SEMA5B: variants seen among roughly 807,000 people sequenced by gnomAD.
The protein encoded by SEMA5B is semaphorin-5B.
A neutral mutation model predicts 135.0 loss-of-function variants in SEMA5B; 66 were observed. The ratio of observed to expected loss-of-function variants is 0.49; its 90% confidence interval spans 0.40 to 0.60. The LOEUF (loss-of-function observed/expected upper bound fraction) is 0.60. Among genes scored for constraint, SEMA5B ranks in the 20% least tolerant of loss-of-function variants. SEMA5B has a pLI of 0.00. For missense variants in SEMA5B, 1,501 were observed against 1,566.3 expected (o/e 0.96, Z 0.70); for synonymous variants, 690 against 639.5 (o/e 1.08, Z -1.19).
In SEMA5B at chr3:123,006,887, C is replaced by T. The variant is rs546388519; in HGVS notation, c.-39+20577G>A. 4.6e-5 allele frequency among the ~76,000 whole-genome samples: 7 copies of T among 152,274 alleles called. No individual in the cohort carries two copies. In the East Asian group the frequency reaches 1.4e-3, roughly 29 times the overall value. ...TTAGATGAAAAGGGCAGCTGCTTTGCACCACAAACAAGCCCTCCCACTACA... is the reference window on the plus strand; with the variant it reads ...TTAGATGAAAAGGGCAGCTGCTTTGTACCACAAACAAGCCCTCCCACTACA... On this transcript the variant is annotated intron_variant, in intron 1 of 22. Coordinates refer to ENST00000357599, the MANE Select transcript of SEMA5B (RefSeq NM_001031702.4).
rs147968317 is a variant in SEMA5B at position 122,935,686 on chromosome 3, C to CTTTTTTTTT, written c.474+3730_474+3738dup. ...CACTTTTTTTTCTTTTTCTTTCTTT[C>CTTTTTTTTT]TTTTTTTTTTTTTTTTTTTTTTTTG... is the stretch of plus-strand genomic sequence containing the variant. On this transcript the variant is annotated intron_variant, in intron 5 of 22. Coordinates refer to ENST00000357599, the MANE Select transcript of SEMA5B (RefSeq NM_001031702.4). Among the ~76,000 whole-genome samples the CTTTTTTTTT allele has an allele frequency of 4.6e-3, 320 of 70,238 alleles. 12 individuals are homozygous for CTTTTTTTTT. The highest frequency in any genetic ancestry group is 9.6e-3 in the African/African-American group (169 of 17,690). 46.1% of individuals were successfully genotyped at this position (70,238 alleles called of 152,430 possible).
chr3:122,922,876 C>A (rs1560299584), intron 10 of SEMA5B, among the ~76,000 whole-genome samples: 1 of 56,172 alleles, frequency 1.8e-5, no homozygotes, highest in Non-Finnish European at 5.5e-5. Context: ...AAGCTGGAAG[C>A]CTTCTGAGCA....
In SEMA5B at chr3:122,939,473, G is replaced by A; in HGVS notation, c.429-3C>T. ...GGCTGAGTCTGAAGAGGTAGTTCCT[G>A]TGAAAATGGAAACAGACATCCTAAG... On this transcript the variant is annotated splice_region_variant and splice_polypyrimidine_tract_variant and intron_variant, in intron 4 of 22. Coordinates refer to ENST00000357599, the MANE Select transcript of SEMA5B (RefSeq NM_001031702.4). The A allele has an allele frequency of 6.2e-7, 1 of 1,611,842 alleles. No individual in the cohort carries two copies. The highest frequency in any genetic ancestry group is 8.5e-7 in the Non-Finnish European group (1 of 1,177,880).
chr3:122,928,625 G>A lies in SEMA5B; in HGVS notation c.538-10C>T. 1 of 1,547,980 alleles carries A rather than the reference G, an allele frequency of 6.5e-7. No individual in the cohort carries two copies. The highest frequency in any genetic ancestry group is 8.7e-7 in the Non-Finnish European group (1 of 1,143,446). On this transcript the variant is annotated splice_polypyrimidine_tract_variant and intron_variant, in intron 6 of 22. Transcript: ENST00000357599. ...AGTTCTGACACTCCTCCTGAGGCAG[G>A]AAGGAAAGGAGCAGACAGCACAGCT...
chr3:122,954,975 T>G (rs1940220560), intron 2 of SEMA5B, among the ~76,000 whole-genome samples: 1 of 151,640 alleles, frequency 6.6e-6, no homozygotes, highest in East Asian at 1.9e-4. Flanking sequence ...TTTTTGTTTT[T>G]TTTTTTTTGT....
At chr3:122,944,752 G>A (rs1272213678) in intron 3 of SEMA5B, among the ~76,000 whole-genome samples, 3 of 152,188 alleles carry the variant, frequency 2.0e-5, no homozygotes, top group Non-Finnish European at 2.9e-5. Flanking sequence ...TGACTCGCCC[G>A]GTTTCCCTCC....
intron 5 of SEMA5B, among the ~76,000 whole-genome samples, chr3:122,930,556 A>C (rs1416712848): frequency 6.6e-6 from 1 of 152,246 alleles, no homozygotes; most frequent in African/African-American, 2.4e-5. Flanking sequence ...GTGCAGGCCA[A>C]AAGCCCCGGA....
chr3:123,022,306 T>C (rs1040434162), intron 1 of SEMA5B, among the ~76,000 whole-genome samples: 1 of 152,196 alleles, frequency 6.6e-6, no homozygotes, highest in African/African-American at 2.4e-5. Context: ...TCACAGAAGA[T>C]GCTGGCCAGG....
chr3:123,004,825 A>G (rs939875613), intron 1 of SEMA5B, among the ~76,000 whole-genome samples: 9 of 152,206 alleles, frequency 5.9e-5, no homozygotes, highest in Non-Finnish European at 1.0e-4. Context: ...TCAGGCTCCC[A>G]GCCCCACCTG....
chr3:123,019,353 T>A (rs969483463), intron 1 of SEMA5B, among the ~76,000 whole-genome samples: 5 of 152,154 alleles, frequency 3.3e-5, no homozygotes, highest in Non-Finnish European at 5.9e-5. Context: ...TCCAGCACTT[T>A]GGGAGGCCAA....
chr3:122,930,191 G>A (rs752799842), intron 5 of SEMA5B, among the ~76,000 whole-genome samples: 23 of 152,310 alleles, frequency 1.5e-4, no homozygotes, highest in Admixed American at 7.8e-4. Context: ...GCAGGGGGCC[G>A]GGAGAGCGAG....
chr3:122,999,884 G>A (rs1942128530), intron 1 of SEMA5B, among the ~76,000 whole-genome samples: 1 of 152,210 alleles, frequency 6.6e-6, no homozygotes, highest in Non-Finnish European at 1.5e-5. Flanking sequence ...GAGAAAAAGA[G>A]AGAAAAAGAG....
chr3:122,980,652 T>C (rs962521776), intron 1 of SEMA5B, among the ~76,000 whole-genome samples: 1 of 152,192 alleles, frequency 6.6e-6, no homozygotes, highest in African/African-American at 2.4e-5. Context: ...ATTTTTATTG[T>C]GGTGAAGTAT....
chr3:122,921,331 A>C (rs1938338424), intron 12 of SEMA5B, among the ~76,000 whole-genome samples: 2 of 152,138 alleles, frequency 1.3e-5, no homozygotes, highest in Non-Finnish European at 2.9e-5. Flanking sequence ...CAGTTGTCAA[A>C]TCTGTGAGTC....
At chr3:123,000,791 G>T (rs1268540072) in intron 1 of SEMA5B, among the ~76,000 whole-genome samples, 2 of 152,154 alleles carry the variant, frequency 1.3e-5, no homozygotes, top group African/African-American at 2.4e-5. Context: ...GAGCTGCAAG[G>T]ATTTAGCATC....
At chr3:123,002,058 A>G (rs1942188910) in intron 1 of SEMA5B, among the ~76,000 whole-genome samples, 1 of 152,222 alleles carries the variant, frequency 6.6e-6, no homozygotes. Flanking sequence ...GAATCAGAAT[A>G]GGCTGTGCAT....
chr3:122,961,163 C>T lies in SEMA5B; in HGVS notation c.101G>A (p.Gly34Asp). Residue 34 changes from glycine (G) to aspartate (D), a missense_variant, in exon 2 of 23, where the codon GGC becomes GAC. By Grantham distance (94) the Gly-to-Asp change is moderately conservative (BLOSUM62 -1). Coordinates refer to ENST00000357599, the MANE Select transcript of SEMA5B (RefSeq NM_001031702.4). ...ACCCCTGACCAGTGAGAGAAGCCAG[C>T]CCCCTACTGTCCATCCACACCTTAG... is the stretch of plus-strand genomic sequence containing the variant. Reference protein sequence around the residue: ...QQLRCGWTVGGWLLSLVRGLL... With the variant: ...QQLRCGWTVGDWLLSLVRGLL... 1.2e-6 allele frequency: 2 copies of T among 1,612,932 alleles called. No individual in the cohort carries two copies. The highest frequency in any genetic ancestry group is 1.7e-6 in the Non-Finnish European group (2 of 1,179,332).
intron 1 of SEMA5B, among the ~76,000 whole-genome samples, chr3:123,019,996 A>G (rs1367866107): frequency 1.3e-5 from 2 of 152,236 alleles, no homozygotes; most frequent in Non-Finnish European, 2.9e-5. Flanking sequence ...TAAACTCTGA[A>G]TCCAAAAACT....
chr3:122,955,606 C>T (rs1158380149), intron 2 of SEMA5B, among the ~76,000 whole-genome samples: 1 of 152,174 alleles, frequency 6.6e-6, no homozygotes, highest in Non-Finnish European at 1.5e-5. Context: ...CAGTGCATAG[C>T]CAATCCAATT....
Sources: allele counts gnomAD v4.1 joint callset (sites outside exome capture counted in the v4.1 genomes callset), GRCh38; gene constraint gnomAD v4.1.1; transcripts MANE v1.5; gene names NCBI Gene and HGNC (gene_info 2026-07-23, HGNC 2026-07-21).